CYP4V2: variants seen among roughly 807,000 people sequenced by gnomAD.
CYP4V2 encodes cytochrome P450 4V2.
CYP4V2 carries 55 observed loss-of-function variants against 60.8 expected under a neutral mutation model. The observed-to-expected ratio is 0.90, with a 90% CI of 0.73 to 1.13. The LOEUF (loss-of-function observed/expected upper bound fraction) is 1.13, where lower values mean the gene tolerates loss of function less well. Among genes scored for constraint, CYP4V2 ranks in the 50% most tolerant of loss-of-function variants. The probability of loss-of-function intolerance (pLI) is 0.00; values close to 1 mark genes in which losing one functional copy is unlikely to be tolerated. For synonymous variants in CYP4V2, 239 were observed against 236.8 expected, an observed-to-expected ratio of 1.01 and a Z score of -0.08; for missense variants, 675 against 662.9, an observed-to-expected ratio of 1.02 and a Z score of -0.20.
At chr4:186,202,713 TAC>T (rs1304710946) in intron 7 of CYP4V2, 1 of 151,052 alleles carries the variant, frequency 6.6e-6, no homozygotes, top group African/African-American at 2.4e-5. Flanking sequence ...TATACACACA[TAC>T]ACAAACACAT....
intron 6 of CYP4V2, among the ~76,000 whole-genome samples, chr4:186,199,917 G>C (rs1385465894): frequency 6.6e-6 from 1 of 152,096 alleles, no homozygotes; most frequent in Non-Finnish European, 1.5e-5. Context: ...TTGGAGTTAT[G>C]TCCTTGTGGT....
At position 186,212,794 on chromosome 4, in the gene CYP4V2, AGACAGG is replaced by A. The variant is rs1465082926; in HGVS notation, c.*2155_*2160del. 6.6e-6 allele frequency: 1 copy of A among 152,246 alleles called. No homozygotes were observed. Among genetic ancestry groups the A allele is most frequent in the African/African-American group, 2.4e-5 (1 of 41,466 alleles). 9.4% of individuals were successfully genotyped at this position (152,246 alleles called of 1,614,324 possible). A position where few individuals can be genotyped will look rare whatever the true frequency, so the allele number is the denominator to read the frequency against. ...CAAGCCCTGTAGCCTGGGCCATTTA[AGACAGG>A]GGCGGTCTCAGCCAAATTGCACCCA... On this transcript the variant is annotated 3_prime_UTR_variant, in exon 11 of 11. Coordinates refer to ENST00000378802, the MANE Select transcript of CYP4V2 (RefSeq NM_207352.4).
chr4:186,210,392 C>G lies in CYP4V2; in HGVS notation c.1406-77C>G. ...TGCGAAAATGTAAAGTGGCTCGCTT[C>G]CTATGACAGGACCTCTTGTTTCTCA... is the stretch of plus-strand genomic sequence containing the variant. On this transcript the variant is annotated intron_variant, in intron 10 of 10. Transcript: ENST00000378802. 6 of 1,594,982 alleles carry G rather than the reference C, an allele frequency of 3.8e-6. 1 individual carries two copies. Among genetic ancestry groups the G allele is most frequent in the Middle Eastern group, 1.7e-4 (1 of 5,990 alleles).
chr4:186,204,497 T>A lies in CYP4V2; in HGVS notation c.988-703T>A, dbSNP rs149766402. ...TGGAGCGTCCTTACTGCACAGGGTG[T>A]GGAGGGAATGGCGTGGGCTCAGCTG... On this transcript the variant is annotated intron_variant, in intron 7 of 10. Coordinates refer to ENST00000378802, the MANE Select transcript of CYP4V2 (RefSeq NM_207352.4). 374 of 186,964 alleles carry A rather than the reference T, an allele frequency of 2.0e-3. 3 individuals carry two copies. The highest frequency in any genetic ancestry group is 8.6e-3 in the African/African-American group (354 of 41,306). 11.6% of individuals were successfully genotyped at this position (186,964 alleles called of 1,614,324 possible).
rs1460876704 is a variant in CYP4V2 at position 186,199,001 on chromosome 4, G to A, written c.719G>A (p.Trp240Ter). 6.2e-7 allele frequency: 1 copy of A among 1,614,046 alleles called. No individual in the cohort carries two copies. Among genetic ancestry groups the A allele is most frequent in the Non-Finnish European group, 8.5e-7 (1 of 1,179,984 alleles). The change falls in exon 6 of 11, where the codon TGG becomes TAG. Residue 240 changes from tryptophan to a stop codon, truncating the protein, a stop_gained. Transcript: ENST00000378802. LOFTEE classifies it high-confidence loss of function. Reference protein sequence around the residue: ...IFRRIKMPWLWLDLWYLMFKE... With the variant: ...IFRRIKMPWL ...CGAAGAATAAAGATGCCCTGGCTTT[G>A]GCTTGATCTCTGGTACCTTATGTTT...
chr4:186,210,482 T>C lies in CYP4V2; in HGVS notation c.1419T>C (p.Ala473=), dbSNP rs1156683229. The change falls in exon 11 of 11, where the codon GCT becomes GCC. Residue 473 remains alanine (A), a synonymous_variant. Coordinates refer to ENST00000378802, the MANE Select transcript of CYP4V2 (RefSeq NM_207352.4). The part of the protein sequence containing the change: ...GPRNCIGQKF[A]VMEEKTILSC... ...ATTAATTTGAAGGTCAAAAGTTTGCTGTGATGGAAGAAAAGACCATTCTTT... is the reference window on the plus strand; with the variant it reads ...ATTAATTTGAAGGTCAAAAGTTTGCCGTGATGGAAGAAAAGACCATTCTTT... 2 of 1,614,178 alleles carry C rather than the reference T, an allele frequency of 1.2e-6. No homozygotes were observed. Among genetic ancestry groups the C allele is most frequent in the Non-Finnish European group, 8.5e-7 (1 of 1,180,028 alleles).
rs374456144 is a variant in CYP4V2, at chr4:186,210,644, A to G, written c.*3A>G. The G allele has an allele frequency of 3.1e-6, 5 of 1,613,984 alleles. No homozygotes were observed. Among genetic ancestry groups the G allele is most frequent in the Admixed American group, 1.7e-5 (1 of 60,008 alleles). On this transcript the variant is annotated 3_prime_UTR_variant, in exon 11 of 11. Transcript: ENST00000378802. ...GGAGAAATGCAGATGAACGCTAACT[A>G]TATTATTGGGTTGTGCCTTTATCAT... is the stretch of plus-strand genomic sequence containing the variant.
intron 8 of CYP4V2, among the ~76,000 whole-genome samples, chr4:186,207,904 T>A (rs1474342424): frequency 6.6e-6 from 1 of 152,252 alleles, no homozygotes; most frequent in Admixed American, 6.5e-5. Context: ...TGACCTTTAG[T>A]GTCTGTTTAT....
rs761362530 is a variant in CYP4V2, at chr4:186,199,084, G to A, written c.801+1G>A. On this transcript the variant is annotated splice_donor_variant, in intron 6 of 10. Transcript: ENST00000378802. LOFTEE classifies it high-confidence loss of function. ...GATCCTACATACTTTTACCAACAGT[G>A]TAAGTCCCTGACTTTTACAATTGTG... 6.2e-6 allele frequency: 10 copies of A among 1,613,006 alleles called. No homozygotes were observed. Among genetic ancestry groups the A allele is most frequent in the Non-Finnish European group, 7.6e-6 (9 of 1,179,134 alleles).
In CYP4V2 at chr4:186,200,848, C is replaced by T. The variant is rs72646274; in HGVS notation, c.802-309C>T. On this transcript the variant is annotated intron_variant, in intron 6 of 10. Coordinates refer to ENST00000378802, the MANE Select transcript of CYP4V2 (RefSeq NM_207352.4). ...TACCACTTAAACTTTTTCTCATTAGCGCAATCCAATCTCTAGGGTACTATC... is the reference window on the plus strand; with the variant it reads ...TACCACTTAAACTTTTTCTCATTAGTGCAATCCAATCTCTAGGGTACTATC... Among the ~76,000 whole-genome samples, 4 of 152,068 alleles carry T rather than the reference C, an allele frequency of 2.6e-5. No individual in the cohort carries two copies. In the South Asian group the frequency reaches 6.2e-4, roughly 24 times the overall value.
At chr4:186,196,830 A>C (rs1736161373) in intron 3 of CYP4V2, 110 bp from the exon 4 acceptor site, 2 of 1,101,442 alleles carry the variant, frequency 1.8e-6, no homozygotes, top group Admixed American at 2.3e-5. Context: ...GTTTCAGGAG[A>C]ATTTTGTTGA....
chr4:186,200,626 C>G (rs1579967189), intron 6 of CYP4V2, among the ~76,000 whole-genome samples: 2 of 152,094 alleles, frequency 1.3e-5, no homozygotes, highest in South Asian at 4.1e-4. Context: ...AGGGAGGTCT[C>G]TCTGATCGTG....
intron 6 of CYP4V2, 95 bp from the exon 7 acceptor site, chr4:186,201,062 A>C: frequency 7.9e-7 from 1 of 1,262,944 alleles, no homozygotes; most frequent in Non-Finnish European, 1.1e-6. Flanking sequence ...TAGAAAAATA[A>C]ATGAAAGAAA....
Position 186,196,057 on chromosome 4 carries a change from G to A in CYP4V2, c.382G>A (p.Glu128Lys), listed in dbSNP as rs1561431548. Residue 128 changes from glutamate (E) to lysine (K), a missense_variant, in exon 3 of 11, where the codon GAA (glutamate) becomes AAA (lysine). By Grantham distance (56) the Glu-to-Lys change is moderately conservative. Transcript: ENST00000378802. ...IDKSSMYKFL[E>K]PWLGLGLLTS... ...CAAATCCTCTATGTACAAGTTTTTA[G>A]AACCATGGCTTGGCCTAGGACTTCT... 1.2e-6 allele frequency: 2 copies of A among 1,614,110 alleles called. No homozygotes were observed. Among genetic ancestry groups the A allele is most frequent in the East Asian group, 4.5e-5 (2 of 44,874 alleles).
intron 7 of CYP4V2, chr4:186,203,429 G>A (rs1395315933): frequency 1.3e-5 from 2 of 152,788 alleles, no homozygotes; most frequent in Non-Finnish European, 2.9e-5. Context: ...GGCCGGTGCA[G>A]GCTGTGAGTG....
rs72646254 is a variant in CYP4V2, at chr4:186,196,372, G to A, written c.413+284G>A. ...CCTGATGGACGGGAGTGGACGGGAT[G>A]GAGGACACAGTAAAGCAAAGGAGTG... On this transcript the variant is annotated intron_variant, in intron 3 of 10. Transcript: ENST00000378802. 1.3e-3 allele frequency: 586 copies of A among 463,892 alleles called. 3 individuals are homozygous for A. The highest frequency in any genetic ancestry group is 0.01 in the African/African-American group (522 of 50,658). 28.7% of individuals were successfully genotyped at this position (463,892 alleles called of 1,614,324 possible).
intron 8 of CYP4V2, among the ~76,000 whole-genome samples, chr4:186,208,219 C>T (rs1375934231): frequency 1.4e-5 from 2 of 147,766 alleles, no homozygotes; most frequent in Non-Finnish European, 3.0e-5. Context: ...CTGCCTTGAT[C>T]CACATGTTCT....
In CYP4V2 at chr4:186,205,167, TG is replaced by T. The variant is rs576782362; in HGVS notation, c.988-32del. ...ACTCCTAATCATCGCAGCATAACTC[TG>T]CTTTTTAAGCTATTGTTTTCTGCAT... On this transcript the variant is annotated intron_variant, in intron 7 of 10. Coordinates refer to ENST00000378802, the MANE Select transcript of CYP4V2 (RefSeq NM_207352.4). The T allele has an allele frequency of 1.9e-4, 299 of 1,601,098 alleles. 1 individual carries two copies. In the African/African-American group the frequency reaches 3.7e-3, roughly 20 times the overall value.
chr4:186,192,932 T>G lies in CYP4V2; in HGVS notation c.214+895T>G, dbSNP rs1050585074. On this transcript the variant is annotated intron_variant, in intron 1 of 10. Transcript: ENST00000378802. ...GCTGAGCATTAACTAACTCCAAAGC[T>G]TGAAGGACTTTTTCTCATTTTCACT... 1.3e-4 allele frequency among the ~76,000 whole-genome samples: 20 copies of G among 152,180 alleles called. 1 individual carries two copies. The highest frequency in any genetic ancestry group is 4.6e-4 in the African/African-American group (19 of 41,452).
Sources: allele counts gnomAD v4.1 joint callset (sites outside exome capture counted in the v4.1 genomes callset), GRCh38; gene constraint gnomAD v4.1.1; transcripts MANE v1.5; gene names NCBI Gene and HGNC (gene_info 2026-07-23, HGNC 2026-07-21).